Variants in NOX4 observed in about 807,000 individuals in gnomAD.
NOX4 encodes the protein kidney oxidase-1.
In NOX4, 69 loss-of-function variants were observed where a neutral mutation model predicts 87.6. The observed-to-expected ratio is 0.79, with a 90% CI of 0.65 to 0.96. NOX4 has a LOEUF of 0.96. Among genes scored for constraint, NOX4 ranks in the 40% least tolerant of loss-of-function variants. The pLI, the probability that NOX4 is intolerant of heterozygous loss-of-function variation, is 0.00. For synonymous variants in NOX4, 275 were observed against 238.2 expected, an observed-to-expected ratio of 1.15 and a Z score of -1.42; for missense variants, 680 against 681.5, an observed-to-expected ratio of 1.00 and a Z score of 0.02.
chr11:89,499,722 G>A (rs998148684), upstream of NOX4, among the ~76,000 whole-genome samples: 2 of 152,060 alleles, frequency 1.3e-5, no homozygotes, highest in Non-Finnish European at 2.9e-5. Flanking sequence ...TGTATAATAC[G>A]TTGGTTTATC....
At chr11:89,526,773 G>C in the NOX4 span, among the ~76,000 whole-genome samples, 36 of 152,250 alleles carry the variant, frequency 2.4e-4, no homozygotes, top group African/African-American at 6.7e-4. Flanking sequence ...TGAACTGTGA[G>C]TCAATTAAAC....
intron 17 of NOX4, among the ~76,000 whole-genome samples, chr11:89,330,948 T>G (rs1945443054): frequency 6.6e-6 from 1 of 152,032 alleles, no homozygotes; most frequent in South Asian, 2.1e-4. Context: ...AGAAATTCAG[T>G]AAGCATATTG....
At chr11:89,547,957 G>C in the NOX4 span, among the ~76,000 whole-genome samples, 1 of 151,798 alleles carries the variant, frequency 6.6e-6, no homozygotes, top group African/African-American at 2.4e-5. Flanking sequence ...TATGAACAAA[G>C]AGACATGGCC....
chr11:89,399,440 T>TATAAATATATATATATATATATATATAA (rs769674701), intron 11 of NOX4, among the ~76,000 whole-genome samples: 1 of 110,182 alleles, frequency 9.1e-6, no homozygotes, highest in Non-Finnish European at 1.8e-5. Flanking sequence ...TAAATATATA[T>TATAAATATATATATATATATATATATAA]ATATATATAT....
chr11:89,517,042 T>C, the NOX4 span, among the ~76,000 whole-genome samples: 2 of 152,032 alleles, frequency 1.3e-5, no homozygotes, highest in African/African-American at 4.8e-5. Flanking sequence ...TGAATAATTA[T>C]TTTTAATATT....
chr11:89,473,772 G>A (rs1459972889), intron 2 of NOX4, among the ~76,000 whole-genome samples: 1 of 151,994 alleles, frequency 6.6e-6, no homozygotes, highest in African/African-American at 2.4e-5. Context: ...TTTTAACTAT[G>A]ACTTTCAACT....
chr11:89,449,639 T>C (rs1591286225), intron 3 of NOX4, 115 bp from the exon 4 acceptor site: 1 of 697,058 alleles, frequency 1.4e-6, no homozygotes, highest in Non-Finnish European at 2.4e-6. Flanking sequence ...AGCCTATTAA[T>C]CAAAAATTGG....
At chr11:89,349,506 C>T (rs1946363942) in intron 13 of NOX4, among the ~76,000 whole-genome samples, 1 of 151,980 alleles carries the variant, frequency 6.6e-6, no homozygotes, top group Non-Finnish European at 1.5e-5. Flanking sequence ...AAGGGTATTA[C>T]CCAAAATCAC....
intron 2 of NOX4, chr11:89,488,905 T>G: frequency 7.6e-6 from 5 of 656,348 alleles, no homozygotes; most frequent in Non-Finnish European, 1.4e-5. Flanking sequence ...TTTGTTGGTT[T>G]TTCCATTATA....
chr11:89,355,600 T>C (rs901609177), intron 12 of NOX4, among the ~76,000 whole-genome samples: 1 of 151,990 alleles, frequency 6.6e-6, no homozygotes, highest in Non-Finnish European at 1.5e-5. Context: ...CCAGACACCA[T>C]TAACTAGCAT....
At chr11:89,519,607 C>T in the NOX4 span, among the ~76,000 whole-genome samples, 1 of 151,868 alleles carries the variant, frequency 6.6e-6, no homozygotes, top group Non-Finnish European at 1.5e-5. Flanking sequence ...TGGTATTCAT[C>T]GGGTAAGAAG....
At chr11:89,564,190 A>G in the NOX4 span, among the ~76,000 whole-genome samples, 1 of 152,226 alleles carries the variant, frequency 6.6e-6, no homozygotes, top group African/African-American at 2.4e-5. Flanking sequence ...TCACAATGCT[A>G]TAAAGAACTA....
chr11:89,378,826 G>T (rs1262249736), intron 11 of NOX4, among the ~76,000 whole-genome samples: 1 of 152,160 alleles, frequency 6.6e-6, no homozygotes, highest in African/African-American at 2.4e-5. Context: ...AATTTCACAA[G>T]TGAAGATTGC....
chr11:89,549,705 T>C, the NOX4 span, among the ~76,000 whole-genome samples: 1 of 152,220 alleles, frequency 6.6e-6, no homozygotes, highest in Non-Finnish European at 1.5e-5. Flanking sequence ...GTGTTCTCAC[T>C]ATTCAACTCC....
intron 2 of NOX4, among the ~76,000 whole-genome samples, chr11:89,463,696 C>G (rs1409709229): frequency 2.0e-5 from 3 of 146,560 alleles, no homozygotes; most frequent in Non-Finnish European, 4.4e-5. Context: ...ATATAAAAAG[C>G]AATTAATATG....
chr11:89,511,289 C>T, the NOX4 span, among the ~76,000 whole-genome samples: 22 of 152,010 alleles, frequency 1.4e-4, no homozygotes, highest in African/African-American at 4.6e-4. Context: ...TTGGGACATA[C>T]AATACATTAT....
chr11:89,387,337 C>T (rs1396070765), intron 11 of NOX4, among the ~76,000 whole-genome samples: 1 of 151,902 alleles, frequency 6.6e-6, no homozygotes, highest in African/African-American at 2.4e-5. Context: ...CTCAGAAGCT[C>T]CCCCACTGAG....
chr11:89,566,993 C>G, the NOX4 span, among the ~76,000 whole-genome samples: 1 of 152,136 alleles, frequency 6.6e-6, no homozygotes, highest in Non-Finnish European at 1.5e-5. Context: ...GGTGTTGGCA[C>G]AGCATGACTA....
chr11:89,533,771 C>A, the NOX4 span: 2 of 152,194 alleles, frequency 1.3e-5, no homozygotes, highest in Non-Finnish European at 2.9e-5. Flanking sequence ...CTGCACAGAC[C>A]TCTGCCTATT....
Sources: allele counts gnomAD v4.1 joint callset (sites outside exome capture counted in the v4.1 genomes callset), GRCh38; gene constraint gnomAD v4.1.1; transcripts MANE v1.5; gene names NCBI Gene and HGNC (gene_info 2026-07-23, HGNC 2026-07-21).